The following CAST variants were observed in gnomAD, a reference collection of about 807,000 sequenced individuals.
CAST encodes the protein calpastatin.
In CAST, 76 loss-of-function variants were observed where a neutral mutation model predicts 119.6. The ratio of observed to expected loss-of-function variants is 0.64; its 90% CI spans 0.53 to 0.77. The LOEUF (loss-of-function observed/expected upper bound fraction) is 0.77. Among genes scored for constraint, CAST ranks in the 30% least tolerant of loss-of-function variants. CAST has a pLI of 0.00. For missense variants in CAST, 953 were observed against 946.5 expected (o/e 1.01, Z -0.09); for synonymous variants, 319 against 331.6 (o/e 0.96, Z 0.41).
the CAST span, among the ~76,000 whole-genome samples, chr5:96,150,691 G>T: frequency 6.6e-6 from 1 of 152,126 alleles, no homozygotes; most frequent in Non-Finnish European, 1.5e-5. Context: ...GAGAAACTAC[G>T]GAGTGAGGTG....
At chr5:96,223,244 A>AT in the CAST span, among the ~76,000 whole-genome samples, 2 of 152,172 alleles carry the variant, frequency 1.3e-5, no homozygotes, top group African/African-American at 4.8e-5. Context: ...AATAGATTAC[A>AT]TGTTTCAAAG....
chr5:96,212,666 T>C, the CAST span, among the ~76,000 whole-genome samples: 58 of 152,230 alleles, frequency 3.8e-4, 1 homozygote, highest in Non-Finnish European at 1.5e-5. Context: ...TATCAATTGT[T>C]GAAAGAGGGC....
intron 3 of CAST, among the ~76,000 whole-genome samples, chr5:96,711,199 G>A (rs1756068808): frequency 6.6e-6 from 1 of 152,110 alleles, no homozygotes. Flanking sequence ...TGAAGTAGTA[G>A]TAAACCATAT....
chr5:96,480,290 A>G, the CAST span, among the ~76,000 whole-genome samples: 1 of 152,188 alleles, frequency 6.6e-6, no homozygotes, highest in African/African-American at 2.4e-5. Context: ...AGTAGAATTG[A>G]ATACAGAAAA....
At chr5:96,185,255 G>A in the CAST span, among the ~76,000 whole-genome samples, 19 of 152,008 alleles carry the variant, frequency 1.2e-4, no homozygotes, top group Admixed American at 3.3e-4. Context: ...TTAGACCTTC[G>A]TCAGATGAAT....
At chr5:96,682,217 C>T (rs926442029) in intron 2 of CAST, among the ~76,000 whole-genome samples, 6 of 152,216 alleles carry the variant, frequency 3.9e-5, no homozygotes, top group Admixed American at 1.3e-4. Context: ...TGACATTAGA[C>T]ATTCACTAAT....
chr5:96,118,749 G>C, the CAST span, among the ~76,000 whole-genome samples: 1 of 151,926 alleles, frequency 6.6e-6, no homozygotes, highest in South Asian at 2.1e-4. Context: ...GAAGGTTGGG[G>C]CTGGGGAAAT....
At chr5:96,406,224 C>T in the CAST span, among the ~76,000 whole-genome samples, 15 of 152,104 alleles carry the variant, frequency 9.9e-5, no homozygotes, top group Admixed American at 5.2e-4. Context: ...ATTAACTTGC[C>T]GAAGGCCACA....
At chr5:96,703,305 T>C (rs943058368) in intron 3 of CAST, among the ~76,000 whole-genome samples, 2 of 152,072 alleles carry the variant, frequency 1.3e-5, no homozygotes, top group Admixed American at 6.5e-5. Context: ...CCTTTATCTC[T>C]AGGGTTGGAG....
At chr5:96,167,701 G>C in the CAST span, among the ~76,000 whole-genome samples, 1 of 152,200 alleles carries the variant, frequency 6.6e-6, no homozygotes, top group Non-Finnish European at 1.5e-5. Flanking sequence ...GAGGAATTCT[G>C]TCTGACAGAA....
At chr5:96,227,999 C>CTG in the CAST span, among the ~76,000 whole-genome samples, 17 of 134,344 alleles carry the variant, frequency 1.3e-4, no homozygotes, top group African/African-American at 4.6e-4. Flanking sequence ...CCCTCTTTCT[C>CTG]TCTCTGTGTG....
the CAST span, among the ~76,000 whole-genome samples, chr5:96,317,689 C>A: frequency 6.6e-6 from 1 of 152,116 alleles, no homozygotes; most frequent in Non-Finnish European, 1.5e-5. Flanking sequence ...AAAACTGTCA[C>A]ATCCTATTGC....
At chr5:96,392,639 T>G in the CAST span, 9 of 229,696 alleles carry the variant, frequency 3.9e-5, no homozygotes, top group Admixed American at 4.7e-4. Context: ...GCAGATTATG[T>G]TTTCAAATTA....
intron 8 of CAST, 52 bp downstream of exon 8, chr5:96,729,777 T>A: frequency 1.2e-6 from 1 of 805,328 alleles, no homozygotes; most frequent in Non-Finnish European, 2.2e-6. Context: ...GATAATAAGA[T>A]ACGGTTCCCC....
At chr5:96,491,347 C>G in the CAST span, among the ~76,000 whole-genome samples, 3 of 150,562 alleles carry the variant, frequency 2.0e-5, no homozygotes, top group African/African-American at 7.3e-5. Context: ...AAAACTTAGC[C>G]GGGTGTGGTG....
At chr5:96,051,779 C>T in the CAST span, among the ~76,000 whole-genome samples, 5 of 152,058 alleles carry the variant, frequency 3.3e-5, no homozygotes, top group African/African-American at 1.2e-4. Context: ...TAGTCCCAAA[C>T]CGGAAACAAA....
chr5:96,166,910 C>T, the CAST span, among the ~76,000 whole-genome samples: 13 of 152,082 alleles, frequency 8.5e-5, no homozygotes, highest in Admixed American at 1.3e-4. Flanking sequence ...AGATAAGGGG[C>T]GATGCTTCTC....
At chr5:96,516,041 G>A in the CAST span, among the ~76,000 whole-genome samples, 120 of 27,158 alleles carry the variant, frequency 4.4e-3, 1 homozygote, top group African/African-American at 0.012. Flanking sequence ...GTGCTTGATC[G>A]CCTCTACCCA....
At chr5:96,368,516 C>CA in the CAST span, among the ~76,000 whole-genome samples, 1 of 142,456 alleles carries the variant, frequency 7.0e-6, no homozygotes, top group Non-Finnish European at 1.6e-5. Context: ...AAAAAAAAAA[C>CA]AAAAAAACCT....
Sources: allele counts gnomAD v4.1 joint callset (sites outside exome capture counted in the v4.1 genomes callset), GRCh38; gene constraint gnomAD v4.1.1; transcripts MANE v1.5; gene names NCBI Gene and HGNC (gene_info 2026-07-23, HGNC 2026-07-21).